QTMAN: variants seen among roughly 807,000 people sequenced by gnomAD.
The protein encoded by QTMAN is tRNA-queuosine alpha-mannosyltransferase.
chr2:143,978,213 C>T, the QTMAN span, among the ~76,000 whole-genome samples: 6 of 152,302 alleles, frequency 3.9e-5, no homozygotes, highest in South Asian at 6.2e-4. Flanking sequence ...TATGCTCTCT[C>T]CTACTTTTGA....
chr2:144,282,268 G>C, the QTMAN span, among the ~76,000 whole-genome samples: 2 of 151,976 alleles, frequency 1.3e-5, no homozygotes, highest in African/African-American at 4.8e-5. Context: ...TACTAAGATT[G>C]CTGGTCGGGG....
chr2:144,170,714 C>A, the QTMAN span, among the ~76,000 whole-genome samples: 2 of 151,992 alleles, frequency 1.3e-5, no homozygotes, highest in Non-Finnish European at 2.9e-5. Flanking sequence ...TCTCTGCTTG[C>A]GAGACATACA....
chr2:144,125,983 T>C, the QTMAN span, among the ~76,000 whole-genome samples: 1 of 152,026 alleles, frequency 6.6e-6, no homozygotes, highest in Non-Finnish European at 1.5e-5. Context: ...AATGGAGGAA[T>C]GCCAACACGT....
At chr2:144,105,457 G>A in the QTMAN span, among the ~76,000 whole-genome samples, 1 of 152,312 alleles carries the variant, frequency 6.6e-6, no homozygotes, top group African/African-American at 2.4e-5. Context: ...CGTGATGAAT[G>A]CACACGTTTC....
the QTMAN span, among the ~76,000 whole-genome samples, chr2:144,071,325 A>T: frequency 6.6e-6 from 1 of 152,104 alleles, no homozygotes; most frequent in East Asian, 1.9e-4. Flanking sequence ...TCTCAACAAT[A>T]CGCTAATTTT....
the QTMAN span, among the ~76,000 whole-genome samples, chr2:144,133,757 CAAT>C: frequency 6.7e-6 from 1 of 150,252 alleles, no homozygotes; most frequent in Non-Finnish European, 1.5e-5. Flanking sequence ...TTTTTTTACA[CAAT>C]AATTCTATAA....
the QTMAN span, among the ~76,000 whole-genome samples, chr2:143,993,707 C>T: frequency 6.6e-6 from 1 of 152,084 alleles, no homozygotes; most frequent in African/African-American, 2.4e-5. Context: ...TGACTTCTGG[C>T]CTCCAGAACT....
the QTMAN span, among the ~76,000 whole-genome samples, chr2:144,274,307 G>A: frequency 6.6e-6 from 1 of 152,160 alleles, no homozygotes; most frequent in African/African-American, 2.4e-5. Context: ...AGTGATAGGA[G>A]AATCTGACAC....
At chr2:144,271,266 G>C in the QTMAN span, among the ~76,000 whole-genome samples, 1 of 152,124 alleles carries the variant, frequency 6.6e-6, no homozygotes, top group South Asian at 2.1e-4. Context: ...CATAAAACAT[G>C]ACAGCAGTCA....
At chr2:144,131,171 G>C in the QTMAN span, among the ~76,000 whole-genome samples, 1 of 151,756 alleles carries the variant, frequency 6.6e-6, no homozygotes, top group African/African-American at 2.4e-5. Context: ...ACTTCCTGCA[G>C]GTCAGCTCCA....
the QTMAN span, among the ~76,000 whole-genome samples, chr2:144,299,433 G>GT: frequency 6.6e-6 from 1 of 152,276 alleles, no homozygotes; most frequent in South Asian, 2.1e-4. Context: ...AAGTTCCAGT[G>GT]TATCACTCTG....
chr2:144,017,435 G>A, the QTMAN span, among the ~76,000 whole-genome samples: 1 of 152,118 alleles, frequency 6.6e-6, no homozygotes, highest in African/African-American at 2.4e-5. Context: ...TTTCTCATCT[G>A]TACAGTAAGA....
chr2:144,331,487 A>T, the QTMAN span, among the ~76,000 whole-genome samples: 1 of 151,464 alleles, frequency 6.6e-6, no homozygotes, highest in African/African-American at 2.4e-5. Context: ...AATCATCATC[A>T]ACTCACGTTT....
chr2:144,162,782 A>G, the QTMAN span, among the ~76,000 whole-genome samples: 1 of 152,182 alleles, frequency 6.6e-6, no homozygotes, highest in Non-Finnish European at 1.5e-5. Flanking sequence ...TATAAGTCAC[A>G]TCAACGAGCA....
At chr2:144,250,751 GAA>G in the QTMAN span, among the ~76,000 whole-genome samples, 84 of 67,072 alleles carry the variant, frequency 1.3e-3, no homozygotes, top group African/African-American at 3.0e-3. Context: ...CTTTAAGGCC[GAA>G]AAAAAAAAAA....
the QTMAN span, among the ~76,000 whole-genome samples, chr2:144,293,967 T>C: frequency 6.6e-6 from 1 of 152,168 alleles, no homozygotes; most frequent in Non-Finnish European, 1.5e-5. Flanking sequence ...CATATAAACA[T>C]AAGATTTTAC....
the QTMAN span, among the ~76,000 whole-genome samples, chr2:144,053,723 C>A: frequency 6.6e-6 from 1 of 152,196 alleles, no homozygotes; most frequent in Non-Finnish European, 1.5e-5. Flanking sequence ...CACAGCAGAC[C>A]TGCTGCTTCT....
the QTMAN span, among the ~76,000 whole-genome samples, chr2:144,298,894 C>T: frequency 6.6e-6 from 1 of 151,904 alleles, no homozygotes; most frequent in East Asian, 1.9e-4. Flanking sequence ...AGAGACACTG[C>T]TCTCTCTCTC....
At chr2:144,056,565 T>C in the QTMAN span, among the ~76,000 whole-genome samples, 6 of 152,336 alleles carry the variant, frequency 3.9e-5, no homozygotes, top group Admixed American at 1.3e-4. Context: ...ATTTTTGTTT[T>C]GCATACTGCG....
Sources: gnomAD v4.1 joint callset for allele counts (sites outside exome capture counted in the v4.1 genomes callset) on GRCh38, gnomAD v4.1.1 for gene constraint, MANE v1.5 for transcripts, NCBI Gene and HGNC (gene_info 2026-07-23, HGNC 2026-07-21) for gene names.